The following TBC1D22A variants were observed in gnomAD, a reference collection of about 807,000 sequenced individuals.
TBC1D22A encodes TBC1 domain family member 22A, also known as putative GTPase activator.
Under a neutral mutation model 60.2 loss-of-function variants are expected in TBC1D22A, and 38 were observed. That is an observed-to-expected ratio of 0.63 (90% CI 0.49 to 0.83). The LOEUF is 0.83. Among genes scored for constraint, TBC1D22A ranks in the 40% least tolerant of loss-of-function variants. The pLI, the probability that TBC1D22A is intolerant of heterozygous loss-of-function variation, is 0.00. For synonymous variants in TBC1D22A, 302 were observed against 281.7 expected, an observed-to-expected ratio of 1.07 and a Z score of -0.72; for missense variants, 628 against 701.0, an observed-to-expected ratio of 0.90 and a Z score of 1.18.
intron 5 of TBC1D22A, among the ~76,000 whole-genome samples, chr22:46,883,085 C>T (rs907720011): frequency 9.9e-5 from 15 of 152,174 alleles, no homozygotes; most frequent in Admixed American, 2.0e-4. Context: ...AATCATATTT[C>T]TGGCTCTTTT....
intron 4 of TBC1D22A, among the ~76,000 whole-genome samples, chr22:46,813,668 T>C (rs1446244831): frequency 6.6e-6 from 1 of 152,146 alleles, no homozygotes; most frequent in Non-Finnish European, 1.5e-5. Context: ...CCCTTAAGCA[T>C]ATGTCAGAAG....
chr22:46,999,428 CTGTTCTTCTAAT>C (rs2075235113), intron 10 of TBC1D22A, among the ~76,000 whole-genome samples: 1 of 152,204 alleles, frequency 6.6e-6, no homozygotes, highest in African/African-American at 2.4e-5. Context: ...TAACTTGTTC[CTGTTCTTCTAAT>C]GAAACCTTAA....
At chr22:46,924,129 A>G (rs973614172) in intron 8 of TBC1D22A, among the ~76,000 whole-genome samples, 8 of 152,242 alleles carry the variant, frequency 5.3e-5, no homozygotes, top group African/African-American at 1.9e-4. Flanking sequence ...ACAAAGAAGT[A>G]TTTGCCCCCC....
intron 4 of TBC1D22A, among the ~76,000 whole-genome samples, chr22:46,841,422 G>GA (rs775719619): frequency 3.3e-4 from 50 of 152,176 alleles, no homozygotes; most frequent in Non-Finnish European, 6.3e-4. Flanking sequence ...AGAATCGTGA[G>GA]AAAAAATTTT....
intron 7 of TBC1D22A, among the ~76,000 whole-genome samples, chr22:46,903,798 T>C (rs1169831752): frequency 6.6e-6 from 1 of 152,134 alleles, no homozygotes; most frequent in African/African-American, 2.4e-5. Context: ...CTTTTCTGGC[T>C]GAGACTGTCT....
intron 12 of TBC1D22A, among the ~76,000 whole-genome samples, chr22:47,138,371 T>C (rs1435480148): frequency 5.3e-5 from 8 of 150,210 alleles, no homozygotes; most frequent in African/African-American, 2.0e-4. Flanking sequence ...GAGCGAGCAG[T>C]AGGACACACA....
At chr22:47,141,056 G>A (rs1020167643) in intron 12 of TBC1D22A, among the ~76,000 whole-genome samples, 30 of 152,206 alleles carry the variant, frequency 2.0e-4, no homozygotes, top group Admixed American at 1.3e-4. Context: ...GTTCCACATG[G>A]CTGGGGAGGC....
chr22:46,765,414 A>C (rs2083247240), intron 1 of TBC1D22A, among the ~76,000 whole-genome samples: 1 of 152,150 alleles, frequency 6.6e-6, no homozygotes, highest in African/African-American at 2.4e-5. Context: ...TGGCTTTGGC[A>C]GCTCTTTCAA....
intron 11 of TBC1D22A, among the ~76,000 whole-genome samples, chr22:47,037,596 A>C (rs1322096923): frequency 1.3e-5 from 2 of 152,142 alleles, no homozygotes; most frequent in South Asian, 2.1e-4. Flanking sequence ...GCGCCACTGC[A>C]CTCCAGCCTG....
chr22:46,946,632 C>T lies in TBC1D22A; in HGVS notation c.1016-27658C>T, dbSNP rs554960877. Among the ~76,000 whole-genome samples the T allele has an allele frequency of 1.3e-4, 20 of 152,228 alleles. No homozygotes were observed. In the East Asian group the frequency reaches 2.7e-3, roughly 21 times the overall value. ...TGCTTGCGTGAGTCCCACGGCTGTG[C>T]GGGCACTGGGCTCCTGTTGATGACT... On this transcript the variant is annotated intron_variant, in intron 8 of 12. Coordinates refer to ENST00000337137, the MANE Select transcript of TBC1D22A (RefSeq NM_014346.5).
intron 11 of TBC1D22A, among the ~76,000 whole-genome samples, chr22:47,093,913 CA>C (rs1251641295): frequency 3.3e-5 from 5 of 152,190 alleles, no homozygotes; most frequent in African/African-American, 1.2e-4. Flanking sequence ...CAATTATTCC[CA>C]AGGAAGAAGG....
intron 4 of TBC1D22A, among the ~76,000 whole-genome samples, chr22:46,820,846 T>C (rs56709861): frequency 0.018 from 2,793 of 152,290 alleles, 86 homozygotes; most frequent in African/African-American, 0.064. Context: ...CCCACTGTTA[T>C]TGTGTGGGAG....
intron 12 of TBC1D22A, chr22:47,117,116 T>C (rs2066092978): frequency 6.5e-6 from 1 of 154,116 alleles, no homozygotes; most frequent in African/African-American, 2.4e-5. Flanking sequence ...TGTAACAGCC[T>C]GCTCTGCAAT....
intron 8 of TBC1D22A, among the ~76,000 whole-genome samples, chr22:46,959,493 T>A (rs897661826): frequency 7.2e-5 from 11 of 152,320 alleles, no homozygotes; most frequent in African/African-American, 2.6e-4. Flanking sequence ...GCTGTGACTT[T>A]TGTGGTCCCT....
At chr22:47,002,121 A>G (rs2061426099) in intron 10 of TBC1D22A, among the ~76,000 whole-genome samples, 1 of 152,270 alleles carries the variant, frequency 6.6e-6, no homozygotes, top group Non-Finnish European at 1.5e-5. Flanking sequence ...TTACTGCTGT[A>G]ATAATAAATG....
chr22:46,968,782 T>C, intron 8 of TBC1D22A, among the ~76,000 whole-genome samples: 1 of 152,252 alleles, frequency 6.6e-6, no homozygotes, highest in East Asian at 1.9e-4. Flanking sequence ...CAAGAATTTC[T>C]GCTCTTTGTT....
At chr22:46,901,313 T>C (rs996901828) in intron 7 of TBC1D22A, among the ~76,000 whole-genome samples, 9 of 152,258 alleles carry the variant, frequency 5.9e-5, no homozygotes, top group East Asian at 1.9e-4. Context: ...TCTTCAGTTA[T>C]GCCCGGATGT....
Position 47,052,249 on chromosome 22 carries a change from T to C in TBC1D22A, c.1329+15051T>C, listed in dbSNP as rs73888844. On this transcript the variant is annotated intron_variant, in intron 11 of 12. Transcript: ENST00000337137. ...GAATACTTGAGTCCATCAGGAAATATTGAATCATTCCATAGTCCAGAGGCC... is the reference window on the plus strand; with the variant it reads ...GAATACTTGAGTCCATCAGGAAATACTGAATCATTCCATAGTCCAGAGGCC... Among the ~76,000 whole-genome samples the C allele has an allele frequency of 5.4e-3, 822 of 152,348 alleles. 4 individuals are homozygous for C. Among genetic ancestry groups the C allele is most frequent in the African/African-American group, 0.019 (789 of 41,588 alleles).
At chr22:46,962,543 TA>T (rs2148062615) in intron 8 of TBC1D22A, among the ~76,000 whole-genome samples, 2 of 152,292 alleles carry the variant, frequency 1.3e-5, no homozygotes, top group East Asian at 3.9e-4. Flanking sequence ...ACATACCTTA[TA>T]GAGAGAAGAG....
Sources: allele counts gnomAD v4.1 joint callset (sites outside exome capture counted in the v4.1 genomes callset), GRCh38; gene constraint gnomAD v4.1.1; transcripts MANE v1.5; gene names NCBI Gene and HGNC (gene_info 2026-07-23, HGNC 2026-07-21).